The following FBXO47 variants were observed in gnomAD, a reference collection of about 807,000 sequenced individuals.
The protein encoded by FBXO47 is F-box only protein 47.
A neutral mutation model predicts 53.9 loss-of-function variants in FBXO47; 34 were observed. That is an observed-to-expected ratio of 0.63 (90% CI 0.48 to 0.84). The LOEUF is 0.84. Among genes scored for constraint, FBXO47 ranks in the 40% least tolerant of loss-of-function variants. FBXO47 has a pLI of 0.00. For synonymous variants in FBXO47, 165 were observed against 181.6 expected (o/e 0.91, Z 0.73); for missense variants, 485 against 541.3 (o/e 0.90, Z 1.03).
chr17:38,958,169 A>T (rs1039850724), intron 3 of FBXO47, among the ~76,000 whole-genome samples: 1 of 152,042 alleles, frequency 6.6e-6, no homozygotes, highest in Non-Finnish European at 1.5e-5. Context: ...TTTTGTAGAG[A>T]CAGGGTCTTG....
At position 38,965,882 on chromosome 17, in the gene FBXO47, C is replaced by CAA. The variant is rs35075482; in HGVS notation, c.-27+1345_-27+1346dup. 3.9e-3 allele frequency among the ~76,000 whole-genome samples: 387 copies of CAA among 99,608 alleles called. 1 individual carries two copies. The highest frequency in any genetic ancestry group is 5.6e-3 in the Non-Finnish European group (262 of 46,490). 65.3% of individuals were successfully genotyped at this position (99,608 alleles called of 152,430 possible). A position where few individuals can be genotyped will look rare whatever the true frequency, so the allele number is the denominator to read the frequency against. ...TGGGTGACAGAGCAAGAATCTGCCT[C>CAA]AAAAAAAAAAAAAAATAATTACACA... On this transcript the variant is annotated intron_variant, in intron 1 of 10. Transcript: ENST00000378079.
intron 2 of FBXO47, 122 bp downstream of exon 2, chr17:38,962,723 T>TA: frequency 1.8e-6 from 1 of 560,638 alleles, no homozygotes; most frequent in Admixed American, 3.5e-5. Flanking sequence ...AATAAACACT[T>TA]AAACACTTAA....
intron 7 of FBXO47, 113 bp downstream of exon 7, chr17:38,944,847 C>CGTGTGTGTGTGTGTGTGTGTGTGTGT (rs1462853688): frequency 1.5e-5 from 6 of 400,422 alleles, no homozygotes; most frequent in African/African-American, 3.2e-5. Flanking sequence ...TGCGTGCATG[C>CGTGTGTGTGTGTGTGTGTGTGTGTGT]ATGTGTGTGT....
intron 5 of FBXO47, 44 bp from the exon 6 acceptor site, chr17:38,951,733 G>T: frequency 6.9e-7 from 1 of 1,449,534 alleles, no homozygotes; most frequent in Non-Finnish European, 9.7e-7. Flanking sequence ...AGACTATCAA[G>T]TCAAAACATA....
At chr17:38,962,608 AAATAAT>A (rs58127654) in intron 2 of FBXO47, among the ~76,000 whole-genome samples, 118 of 146,302 alleles carry the variant, frequency 8.1e-4, no homozygotes, top group Middle Eastern at 3.6e-3. Flanking sequence ...CTCCATCTCA[AAATAAT>A]AATAATAATA....
At chr17:38,958,262 C>A (rs1162700604) in intron 3 of FBXO47, among the ~76,000 whole-genome samples, 1 of 152,036 alleles carries the variant, frequency 6.6e-6, no homozygotes, top group East Asian at 1.9e-4. Context: ...GAATAAATTG[C>A]GTTGGGCCGA....
intron 6 of FBXO47, among the ~76,000 whole-genome samples, chr17:38,948,835 A>G (rs1056688263): frequency 6.6e-6 from 1 of 152,030 alleles, no homozygotes; most frequent in Non-Finnish European, 1.5e-5. Flanking sequence ...TACATGTGCC[A>G]TGGTGGTTTG....
At chr17:38,953,125 C>CCACAAACACA (rs1905381703) in intron 5 of FBXO47, among the ~76,000 whole-genome samples, 1 of 117,870 alleles carries the variant, frequency 8.5e-6, no homozygotes, top group Admixed American at 9.0e-5. Context: ...AAAAAAAAAA[C>CCACAAACACA]CACACACACA....
chr17:38,942,175 T>C (rs994347090), intron 9 of FBXO47, among the ~76,000 whole-genome samples: 3 of 152,054 alleles, frequency 2.0e-5, no homozygotes, highest in Non-Finnish European at 4.4e-5. Context: ...AATGGGATGC[T>C]TTTTTTAACA....
chr17:38,964,800 ATTAT>A (rs1906016836), intron 1 of FBXO47, among the ~76,000 whole-genome samples: 1 of 152,140 alleles, frequency 6.6e-6, no homozygotes, highest in African/African-American at 2.4e-5. Flanking sequence ...AAAATCACTG[ATTAT>A]TTACTTACAC....
At chr17:38,942,618 C>G (rs1408716336) in intron 9 of FBXO47, among the ~76,000 whole-genome samples, 160 bp downstream of exon 9, 1 of 152,030 alleles carries the variant, frequency 6.6e-6, no homozygotes, top group East Asian at 1.9e-4. Flanking sequence ...CAAAAGAAAA[C>G]ATATGTTTTA....
intron 6 of FBXO47, among the ~76,000 whole-genome samples, chr17:38,947,090 AT>A (rs1904977535): frequency 1.4e-5 from 2 of 138,944 alleles, no homozygotes; most frequent in East Asian, 4.3e-4. Context: ...AAACATATAT[AT>A]AAACATATAT....
At chr17:38,957,689 C>T (rs1905618165) in intron 3 of FBXO47, among the ~76,000 whole-genome samples, 1 of 146,688 alleles carries the variant, frequency 6.8e-6, no homozygotes, top group Admixed American at 7.4e-5. Flanking sequence ...AATGAGAAAA[C>T]TGATTTTTCT....
intron 5 of FBXO47, among the ~76,000 whole-genome samples, chr17:38,952,520 C>CT (rs60962640): frequency 7.0e-4 from 102 of 145,132 alleles, no homozygotes; most frequent in Admixed American, 1.2e-3. Flanking sequence ...TTTCAGAGAA[C>CT]TTTTTTTTTT....
intron 9 of FBXO47, among the ~76,000 whole-genome samples, chr17:38,940,295 T>C (rs1041228463): frequency 6.6e-6 from 1 of 151,938 alleles, no homozygotes; most frequent in Non-Finnish European, 1.5e-5. Flanking sequence ...AGAATTGACA[T>C]GTTAATCAGA....
At chr17:38,950,917 T>A (rs552003289) in intron 6 of FBXO47, among the ~76,000 whole-genome samples, 1 of 152,072 alleles carries the variant, frequency 6.6e-6, no homozygotes, top group Admixed American at 6.6e-5. Context: ...TATTTTTATT[T>A]CTTTTGAAAA....
At chr17:38,961,787 AT>A (rs1466800070) in intron 3 of FBXO47, 89 bp downstream of exon 3, 1 of 1,162,456 alleles carries the variant, frequency 8.6e-7, no homozygotes, top group African/African-American at 1.6e-5. Flanking sequence ...AATATATTCC[AT>A]TTCCTACTGG....
intron 6 of FBXO47, among the ~76,000 whole-genome samples, chr17:38,949,450 AAC>A (rs1315979721): frequency 6.6e-6 from 1 of 150,750 alleles, no homozygotes; most frequent in Non-Finnish European, 1.5e-5. Flanking sequence ...AAAACAAAAC[AAC>A]AATAACAACA....
At position 38,965,709 on chromosome 17, in the gene FBXO47, T is replaced by TAAAAAAAAAAA. The variant is rs71141742; in HGVS notation, c.-27+1509_-27+1519dup. Among the ~76,000 whole-genome samples, 98 of 61,606 alleles carry TAAAAAAAAAAA rather than the reference T, an allele frequency of 1.6e-3. 3 individuals are homozygous for TAAAAAAAAAAA. Among genetic ancestry groups the TAAAAAAAAAAA allele is most frequent in the Middle Eastern group, 0.026 (2 of 78 alleles). 40.4% of individuals were successfully genotyped at this position (61,606 alleles called of 152,430 possible). The stretch of plus-strand genomic sequence containing the variant: ...TAACACGGTGAAACCCCTTCTCTAC[T>TAAAAAAAAAAA]AAAAAAAAAAAAAAAAAAAAAAAAT... On this transcript the variant is annotated intron_variant, in intron 1 of 10. Transcript: ENST00000378079.
Sources: allele counts gnomAD v4.1 joint callset (sites outside exome capture counted in the v4.1 genomes callset), GRCh38; gene constraint gnomAD v4.1.1; transcripts MANE v1.5; gene names NCBI Gene and HGNC (gene_info 2026-07-23, HGNC 2026-07-21).